The following ASH1L variants were observed in gnomAD, a reference collection of about 807,000 sequenced individuals.
ASH1L encodes the protein ASH1 like histone lysine methyltransferase, also known as histone-lysine N-methyltransferase ASH1L.
A neutral mutation model predicts 269.0 loss-of-function variants in ASH1L; 23 were observed. The observed-to-expected ratio is 0.09, with a 90% CI of 0.06 to 0.12. The LOEUF is 0.12. Ranked by LOEUF, ASH1L falls within the 10% of genes least tolerant of loss-of-function variation. The pLI is 1.00. For synonymous variants in ASH1L, 1,187 were observed against 1,253.5 expected (o/e 0.95, Z 1.12); for missense variants, 2,912 against 3,567.8 (o/e 0.82, Z 4.68).
chr1:155,415,690 T>C, intron 6 of ASH1L, 54 bp downstream of exon 6: 1 of 1,552,652 alleles, frequency 6.4e-7, no homozygotes. Flanking sequence ...AGTCAAAGTA[T>C]TTTTCCAAAT....
At chr1:155,461,173 GTGA>G (rs1273618181) in intron 3 of ASH1L, among the ~76,000 whole-genome samples, 1 of 152,208 alleles carries the variant, frequency 6.6e-6, no homozygotes, top group Non-Finnish European at 1.5e-5. Flanking sequence ...AAAAGAAGAT[GTGA>G]TTAATTCTCT....
chr1:155,408,353 A>G (rs1330736854), intron 6 of ASH1L, among the ~76,000 whole-genome samples: 3 of 152,170 alleles, frequency 2.0e-5, no homozygotes, highest in Admixed American at 6.6e-5. Flanking sequence ...TTTTCATTCC[A>G]TGGTACTGAA....
chr1:155,473,852 T>C (rs1665316118), intron 3 of ASH1L, among the ~76,000 whole-genome samples: 1 of 152,070 alleles, frequency 6.6e-6, no homozygotes, highest in South Asian at 2.1e-4. Flanking sequence ...TATATTTTTT[T>C]TGAGACAGAC....
In ASH1L at chr1:155,562,316, G is replaced by C. The variant is rs752443225; in HGVS notation, c.-263C>G. ...GCTGACTGGCGGAAATGCGAGAGAG[G>C]AGAAGGGAAAGGTGGAAGGCTAAAG... On this transcript the variant is annotated 5_prime_UTR_variant, in exon 1 of 28. Transcript: ENST00000392403. The C allele has an allele frequency of 2.5e-6, 4 of 1,585,262 alleles. No individual in the cohort carries two copies. The East Asian group carries it at 9.0e-5, about 36-fold the overall frequency.
intron 12 of ASH1L, chr1:155,370,069 T>C (rs1655801649): frequency 5.6e-6 from 1 of 178,904 alleles, no homozygotes; most frequent in Admixed American, 5.5e-5. Flanking sequence ...ACCCGGCCTA[T>C]TATCATTATT....
chr1:155,356,213 A>T (rs1363151548), intron 15 of ASH1L, among the ~76,000 whole-genome samples: 2 of 152,138 alleles, frequency 1.3e-5, no homozygotes, highest in Non-Finnish European at 2.9e-5. Context: ...GTAGGATTAC[A>T]GGTGTGAGCC....
At chr1:155,514,516 T>G (rs1022917424) in intron 2 of ASH1L, among the ~76,000 whole-genome samples, 1 of 152,006 alleles carries the variant, frequency 6.6e-6, no homozygotes, top group Admixed American at 6.6e-5. Flanking sequence ...TCACTTTATG[T>G]TTTTTTGCTA....
chr1:155,502,128 TG>T (rs1397668132), intron 2 of ASH1L, among the ~76,000 whole-genome samples: 1 of 148,902 alleles, frequency 6.7e-6, no homozygotes, highest in African/African-American at 2.5e-5. Context: ...TGGAGTGCAA[TG>T]GCGCGATCTT....
intron 17 of ASH1L, 70 bp from the exon 18 acceptor site, chr1:155,349,666 A>G (rs1484752238): frequency 7.5e-7 from 1 of 1,333,864 alleles, no homozygotes; most frequent in African/African-American, 1.5e-5. Flanking sequence ...CCTAACTGGA[A>G]GAATAGAATC....
intron 2 of ASH1L, among the ~76,000 whole-genome samples, chr1:155,510,735 G>A (rs556076475): frequency 2.0e-5 from 3 of 152,062 alleles, no homozygotes; most frequent in Admixed American, 1.3e-4. Flanking sequence ...TTCTCCAAGC[G>A]AAGATGAACC....
At chr1:155,524,965 T>C (rs1199443162) in intron 1 of ASH1L, among the ~76,000 whole-genome samples, 1 of 152,162 alleles carries the variant, frequency 6.6e-6, no homozygotes, top group Non-Finnish European at 1.5e-5. Context: ...GTTCAAATCC[T>C]GCCTGGGCAC....
intron 10 of ASH1L, among the ~76,000 whole-genome samples, chr1:155,377,959 C>T (rs1312594985): frequency 2.6e-5 from 4 of 151,344 alleles, no homozygotes; most frequent in Non-Finnish European, 5.9e-5. Flanking sequence ...GGAGGCGGAG[C>T]TTGCAGTGAG....
rs750746301 is a variant in ASH1L at position 155,343,995 on chromosome 1, T to A, written c.7981+188A>T. On this transcript the variant is annotated intron_variant, in intron 22 of 27. Transcript: ENST00000392403. This position sits in a 1 kb window ranked among gnomAD's most constrained non-coding sequence, Gnocchi z 6.1. ...TAAAATTAGCTTTGTAACATGTCTATCATTTCAAATTAGTATTATTTGGTG... is the reference window on the plus strand; with the variant it reads ...TAAAATTAGCTTTGTAACATGTCTAACATTTCAAATTAGTATTATTTGGTG... 2.0e-5 allele frequency among the ~76,000 whole-genome samples: 3 copies of A among 152,216 alleles called. No individual in the cohort carries two copies. Among genetic ancestry groups the A allele is most frequent in the Non-Finnish European group, 4.4e-5 (3 of 68,046 alleles).
intron 3 of ASH1L, among the ~76,000 whole-genome samples, chr1:155,467,776 T>TA (rs1238496202): frequency 6.6e-6 from 1 of 152,122 alleles, no homozygotes; most frequent in African/African-American, 2.4e-5. Flanking sequence ...AAATAGTAAA[T>TA]AACCTTTATT....
intron 5 of ASH1L, among the ~76,000 whole-genome samples, chr1:155,427,979 C>A (rs1661287155): frequency 6.6e-6 from 1 of 152,140 alleles, no homozygotes; most frequent in African/African-American, 2.4e-5. Context: ...GCCCTGTAAC[C>A]AGTATACTCC....
At chr1:155,416,009 G>A (rs1660177700) in intron 5 of ASH1L, 86 bp from the exon 6 acceptor site, 2 of 1,120,658 alleles carry the variant, frequency 1.8e-6, no homozygotes, top group Non-Finnish European at 2.4e-6. Flanking sequence ...AAAAACCATA[G>A]CAATTAAAAA....
intron 25 of ASH1L, among the ~76,000 whole-genome samples, chr1:155,341,333 C>T (rs1386880755): frequency 4.6e-5 from 7 of 152,242 alleles, no homozygotes; most frequent in Admixed American, 4.6e-4. Context: ...CCTGCCACCA[C>T]ACCTGGCTAA....
intron 1 of ASH1L, among the ~76,000 whole-genome samples, chr1:155,522,747 C>T (rs557138072): frequency 2.0e-5 from 3 of 148,764 alleles, no homozygotes; most frequent in Non-Finnish European, 3.0e-5. Flanking sequence ...AGTGCAGTGG[C>T]GCGATCTCAG....
At chr1:155,383,554 A>C (rs1657161255) in intron 7 of ASH1L, among the ~76,000 whole-genome samples, 1 of 152,226 alleles carries the variant, frequency 6.6e-6, no homozygotes, top group Non-Finnish European at 1.5e-5. Context: ...GCTATACCAT[A>C]CAGCCTGGTT....
Sources: allele counts gnomAD v4.1 joint callset (sites outside exome capture counted in the v4.1 genomes callset), GRCh38; gene constraint gnomAD v4.1.1; non-coding constraint Gnocchi (gnomAD v3.1); transcripts MANE v1.5; gene names NCBI Gene and HGNC (gene_info 2026-07-23, HGNC 2026-07-21).